The following SP2 variants were observed in gnomAD, a reference collection of about 807,000 sequenced individuals.
SP2 encodes transcription factor Sp2.
SP2 carries 9 observed loss-of-function variants against 50.1 expected under a neutral mutation model. That is an observed-to-expected ratio of 0.18 (90% CI 0.11 to 0.31). The LOEUF (loss-of-function observed/expected upper bound fraction) is 0.31, where lower values mean the gene tolerates loss of function less well. SP2 is among the 10% of genes least tolerant of loss of function. The pLI, the probability that SP2 is intolerant of heterozygous loss-of-function variation, is 1.00. For missense variants in SP2, 581 were observed against 806.5 expected, an observed-to-expected ratio of 0.72 and a Z score of 3.39; for synonymous variants, 313 against 326.6, an observed-to-expected ratio of 0.96 and a Z score of 0.45.
downstream of SP2, among the ~76,000 whole-genome samples, chr17:47,930,681 G>A (rs576656736): frequency 9.8e-5 from 15 of 152,332 alleles, no homozygotes; most frequent in Admixed American, 4.6e-4. Flanking sequence ...GTGTGATGCA[G>A]TCTAAGCTCA....
In SP2 at chr17:47,927,876, C is replaced by G; in HGVS notation, c.*52C>G. The G allele has an allele frequency of 8.9e-7, 1 of 1,119,262 alleles. No homozygotes were observed. Among genetic ancestry groups the G allele is most frequent in the East Asian group, 2.6e-5 (1 of 39,084 alleles). The allele number at this position is 1,119,262 out of a possible 1,614,324, so 69.3% of individuals were successfully genotyped here. A position where few individuals can be genotyped will look rare whatever the true frequency, so the allele number is the denominator to read the frequency against. On this transcript the variant is annotated 3_prime_UTR_variant, in exon 7 of 7. Transcript: ENST00000376741. ...GATGCAGTCCCCCACCTGTGTCCTC[C>G]CTGGGCCCCTGGTGGAAAGGAGCCC...
At chr17:47,913,223 GT>G (rs992774190) in intron 1 of SP2, among the ~76,000 whole-genome samples, 75 of 146,126 alleles carry the variant, frequency 5.1e-4, no homozygotes, top group African/African-American at 1.7e-3. Flanking sequence ...CTTTTTGTTT[GT>G]TTTTTTTTTA....
In SP2 at chr17:47,928,041, G is replaced by A; in HGVS notation, c.*217G>A. ...CCCTTCCCCTCACCACGAGCTCCCGGCCTGCCCAGACTGTGGACACTGGCC... is the reference window on the plus strand; with the variant it reads ...CCCTTCCCCTCACCACGAGCTCCCGACCTGCCCAGACTGTGGACACTGGCC... On this transcript the variant is annotated 3_prime_UTR_variant, in exon 7 of 7. Coordinates refer to ENST00000376741, the MANE Select transcript of SP2 (RefSeq NM_003110.6). The A allele has an allele frequency of 3.7e-6, 2 of 540,604 alleles. No homozygotes were observed. The highest frequency in any genetic ancestry group is 4.6e-5 in the South Asian group (2 of 43,038). The allele number at this position is 540,604 out of a possible 1,614,324, so 33.5% of individuals were successfully genotyped here. A position where few individuals can be genotyped will look rare whatever the true frequency, so the allele number is the denominator to read the frequency against.
intron 3 of SP2, 55 bp downstream of exon 3, chr17:47,917,185 C>A: frequency 6.6e-7 from 1 of 1,518,584 alleles, no homozygotes; most frequent in African/African-American, 1.4e-5. Context: ...CTCTTTTTGG[C>A]TTGCTTTGAA....
Position 47,928,397 on chromosome 17 carries a change from C to G in SP2, c.*573C>G, listed in dbSNP as rs900485596. ...AGACACCCACCGACTCCTGATCCCC[C>G]TCTTTTTCTATGGAGAACGTTGCCT... On this transcript the variant is annotated 3_prime_UTR_variant, in exon 7 of 7. Coordinates refer to ENST00000376741, the MANE Select transcript of SP2 (RefSeq NM_003110.6). The G allele has an allele frequency of 1.3e-5, 2 of 149,164 alleles. No individual in the cohort carries two copies. Among genetic ancestry groups the G allele is most frequent in the African/African-American group, 2.5e-5 (1 of 39,334 alleles). The allele number at this position is 149,164 out of a possible 1,614,324, so 9.2% of individuals were successfully genotyped here.
chr17:47,916,074 C>A lies in SP2; in HGVS notation c.85-82C>A. ...TGGGGAAGACTGGCGTGGAATGCCG[C>A]CAGGAGGAGAGGATCATGGACAGAG... is the stretch of plus-strand genomic sequence containing the variant. On this transcript the variant is annotated intron_variant, in intron 2 of 6. Coordinates refer to ENST00000376741, the MANE Select transcript of SP2 (RefSeq NM_003110.6). The surrounding 1 kb of genome is among the most constrained non-coding windows in gnomAD (Gnocchi z 4.7). The A allele has an allele frequency of 6.6e-7, 1 of 1,503,838 alleles. No individual in the cohort carries two copies. Among genetic ancestry groups the A allele is most frequent in the Non-Finnish European group, 8.9e-7 (1 of 1,122,462 alleles). 93.2% of individuals were successfully genotyped at this position (1,503,838 alleles called of 1,614,324 possible).
At chr17:47,896,447 G>A (rs550420192) in intron 1 of SP2, 154 bp downstream of exon 1, 10 of 578,864 alleles carry the variant, frequency 1.7e-5, no homozygotes, top group Middle Eastern at 1.0e-3. Flanking sequence ...GGGGAGGGAG[G>A]ATTCCCGCCC....
At chr17:47,920,861 G>GT (rs1392418299) in intron 3 of SP2, among the ~76,000 whole-genome samples, 1 of 152,026 alleles carries the variant, frequency 6.6e-6, no homozygotes, top group African/African-American at 2.4e-5. Flanking sequence ...TCACAGAGTT[G>GT]TGCAGCCATT....
chr17:47,913,459 G>A (rs1290004651), intron 1 of SP2, among the ~76,000 whole-genome samples: 2 of 152,166 alleles, frequency 1.3e-5, no homozygotes, highest in African/African-American at 2.4e-5. Context: ...CAGGATTGAA[G>A]TCTGACTCTG....
At chr17:47,896,763 C>G (rs1253286027) in intron 1 of SP2, among the ~76,000 whole-genome samples, 1 of 152,186 alleles carries the variant, frequency 6.6e-6, no homozygotes, top group African/African-American at 2.4e-5. Flanking sequence ...CAGGGCTCCC[C>G]GGAGAACAGA....
intron 3 of SP2, among the ~76,000 whole-genome samples, chr17:47,921,440 CG>C (rs1341821921): frequency 6.6e-6 from 1 of 151,914 alleles, no homozygotes; most frequent in African/African-American, 2.4e-5. Flanking sequence ...TCAGTAGAGA[CG>C]GGGTTTCACC....
intron 6 of SP2, among the ~76,000 whole-genome samples, 186 bp from the exon 7 acceptor site, chr17:47,927,531 CAAAAAAA>C (rs61309845): frequency 1.2e-5 from 1 of 83,966 alleles, no homozygotes; most frequent in Non-Finnish European, 2.4e-5. Flanking sequence ...GACTCCATCT[CAAAAAAA>C]AAAAAAAAAA....
In SP2 at chr17:47,916,456, A is replaced by C; in HGVS notation, c.385A>C (p.Asn129His). ...CAACAAAGGGACCCGATCAAATGCC[A>C]ATATCCAGTACCAGGCGGTCCCTCA... is the stretch of plus-strand genomic sequence containing the variant. ...MINKGTRSNA[N>H]IQYQAVPQIQ... The change falls in exon 3 of 7, where the codon AAT becomes CAT. Residue 129 changes from asparagine (N) to histidine (H), a missense_variant. Coordinates refer to ENST00000376741, the MANE Select transcript of SP2 (RefSeq NM_003110.6). The surrounding 1 kb of genome is among the most constrained non-coding windows in gnomAD (Gnocchi z 4.7). 1 of 1,614,064 alleles carries C rather than the reference A, an allele frequency of 6.2e-7. No homozygotes were observed. The highest frequency in any genetic ancestry group is 1.1e-5 in the South Asian group (1 of 91,080).
At chr17:47,912,433 C>G (rs1488674854) in intron 1 of SP2, among the ~76,000 whole-genome samples, 2 of 150,882 alleles carry the variant, frequency 1.3e-5, no homozygotes, top group African/African-American at 4.9e-5. Flanking sequence ...GCTTCAGTTT[C>G]CACTTCACCT....
chr17:47,930,533 G>C (rs1049219011), downstream of SP2, among the ~76,000 whole-genome samples: 2 of 152,176 alleles, frequency 1.3e-5, no homozygotes, highest in Non-Finnish European at 2.9e-5. Context: ...CCTCCCTTGG[G>C]ATGGCTAAGA....
chr17:47,915,836 A>C (rs897063195), intron 2 of SP2, among the ~76,000 whole-genome samples: 1 of 152,188 alleles, frequency 6.6e-6, no homozygotes, highest in Non-Finnish European at 1.5e-5. Context: ...TCTGAGAGCC[A>C]AACATGCTTC....
intron 1 of SP2, among the ~76,000 whole-genome samples, chr17:47,903,584 T>C (rs1318925974): frequency 6.6e-6 from 1 of 151,864 alleles, no homozygotes; most frequent in African/African-American, 2.4e-5. Context: ...GCAGAATCAC[T>C]TGAACCGGGG....
chr17:47,925,317 C>G, intron 5 of SP2, 31 bp from the exon 6 acceptor site: 1 of 1,588,628 alleles, frequency 6.3e-7, no homozygotes. Context: ...TCTTCCTATT[C>G]CCTCCACTCC....
chr17:47,923,684 G>A (rs1279765159), intron 4 of SP2, among the ~76,000 whole-genome samples: 5 of 152,144 alleles, frequency 3.3e-5, no homozygotes, highest in Non-Finnish European at 4.4e-5. Flanking sequence ...GGAAAAATTG[G>A]AGCAACCTAG....
Sources: gnomAD v4.1 joint callset for allele counts (sites outside exome capture counted in the v4.1 genomes callset) on GRCh38, gnomAD v4.1.1 for gene constraint, Gnocchi (gnomAD v3.1) non-coding constraint, MANE v1.5 for transcripts, NCBI Gene and HGNC (gene_info 2026-07-23, HGNC 2026-07-21) for gene names.